Variants in RXRA observed in about 807,000 individuals in gnomAD.
RXRA encodes the protein retinoid X receptor alpha, also known as retinoic acid receptor RXR-alpha.
In RXRA, 5 loss-of-function variants were observed where a neutral mutation model predicts 44.5. The observed-to-expected ratio is 0.11, with a 90% CI of 0.06 to 0.24. The LOEUF is 0.24. RXRA is among the 10% of genes least tolerant of loss of function. RXRA has a pLI of 1.00. For missense variants in RXRA, 412 were observed against 646.5 expected (o/e 0.64, Z 3.93); for synonymous variants, 291 against 271.4 (o/e 1.07, Z -0.71).
At chr9:134,402,552 G>T (rs1830981678) in intron 2 of RXRA, 1 of 152,416 alleles carries the variant, frequency 6.6e-6, no homozygotes, top group Non-Finnish European at 1.5e-5. Context: ...GGCAGAGCCT[G>T]GCGCAGTCCA....
At chr9:134,357,654 G>A (rs932983732) in intron 1 of RXRA, among the ~76,000 whole-genome samples, 1 of 152,144 alleles carries the variant, frequency 6.6e-6, no homozygotes, top group African/African-American at 2.4e-5. Context: ...GCAGAAAGGC[G>A]AGGTCTTTGC....
At chr9:134,404,972 G>GC (rs1831026001) in intron 2 of RXRA, 1 of 152,218 alleles carries the variant, frequency 6.6e-6, no homozygotes, top group African/African-American at 2.4e-5. Flanking sequence ...AAATGCGATG[G>GC]CCCCCACCCT....
intron 1 of RXRA, chr9:134,379,871 G>A (rs35178294): frequency 0.71 from 702,436 of 984,890 alleles, 257,074 homozygotes; most frequent in East Asian, 0.75. Flanking sequence ...TGGCCTTGGC[G>A]GCTCCAGCCC....
At chr9:134,350,203 C>A (rs1830204867) in intron 1 of RXRA, among the ~76,000 whole-genome samples, 1 of 151,984 alleles carries the variant, frequency 6.6e-6, no homozygotes, top group African/African-American at 2.4e-5. Context: ...GCTCCCAGGG[C>A]AGGATGTATG....
At chr9:134,340,056 C>T (rs781998146) in intron 1 of RXRA, among the ~76,000 whole-genome samples, 3 of 152,012 alleles carry the variant, frequency 2.0e-5, no homozygotes, top group Non-Finnish European at 4.4e-5. Flanking sequence ...TCCCTCTGTC[C>T]CTGTCCCTGT....
At chr9:134,379,729 G>A (rs868792941) in intron 1 of RXRA, 15 of 985,300 alleles carry the variant, frequency 1.5e-5, no homozygotes, top group African/African-American at 1.7e-5. Flanking sequence ...GGGCGGGTTC[G>A]TGGGTCCAGC....
chr9:134,396,739 C>T (rs28739333), intron 1 of RXRA, among the ~76,000 whole-genome samples: 20,257 of 152,168 alleles, frequency 0.13, 4,430 homozygotes, highest in African/African-American at 0.46. Flanking sequence ...CCATTTAGAA[C>T]GCCGTCCTTC....
intron 6 of RXRA, chr9:134,423,406 G>A (rs1755445852): frequency 3.0e-6 from 3 of 985,314 alleles, no homozygotes; most frequent in African/African-American, 1.7e-5. Flanking sequence ...CATACAAGGC[G>A]GCTCCTAAGT....
chr9:134,344,069 G>C (rs1830119752), intron 1 of RXRA, among the ~76,000 whole-genome samples: 1 of 152,204 alleles, frequency 6.6e-6, no homozygotes. Context: ...CCTCTGCCTG[G>C]CGTGTGTGCC....
At position 134,342,625 on chromosome 9, in the gene RXRA, G is replaced by C. The variant is rs1277279177; in HGVS notation, c.28+15966G>C. ...TGGGAGCTGCTGTGAGCCCAGGCAG[G>C]TGGTGGGGCTGCGGGGCTGCGGGAG... is the stretch of plus-strand genomic sequence containing the variant. On this transcript the variant is annotated intron_variant, in intron 1 of 9. Coordinates refer to ENST00000481739, the MANE Select transcript of RXRA (RefSeq NM_002957.6). The surrounding 1 kb of genome is among the most constrained non-coding windows in gnomAD (Gnocchi z 4.4). Among the ~76,000 whole-genome samples the C allele has an allele frequency of 1.3e-5, 2 of 152,210 alleles. No individual in the cohort carries two copies. Among genetic ancestry groups the C allele is most frequent in the Non-Finnish European group, 2.9e-5 (2 of 68,026 alleles).
intron 1 of RXRA, among the ~76,000 whole-genome samples, chr9:134,401,231 C>T (rs1469826337): frequency 6.6e-6 from 1 of 152,238 alleles, no homozygotes; most frequent in Non-Finnish European, 1.5e-5. Flanking sequence ...AGACCTTCAC[C>T]TTGAGTCCCT....
At chr9:134,354,370 C>T (rs1830258059) in intron 1 of RXRA, among the ~76,000 whole-genome samples, 1 of 152,194 alleles carries the variant, frequency 6.6e-6, no homozygotes. Context: ...CTTCTGGGTC[C>T]CCCTCCTTGG....
At position 134,408,230 on chromosome 9, in the gene RXRA, G is replaced by A. The variant is rs373515948; in HGVS notation, c.361G>A (p.Ala121Thr). Residue 121 changes from alanine to threonine, a missense_variant, in exon 3 of 10, where the codon GCC becomes ACC. Coordinates refer to ENST00000481739, the MANE Select transcript of RXRA (RefSeq NM_002957.6). ...CCTCAATGGCGTCCTCAAGGTCCCCGCCCACCCCTCAGGAAACATGGCTTC... is the reference window on the plus strand; with the variant it reads ...CCTCAATGGCGTCCTCAAGGTCCCCACCCACCCCTCAGGAAACATGGCTTC... Reference protein sequence around the residue: ...LGLNGVLKVPAHPSGNMASFT... With the variant: ...LGLNGVLKVPTHPSGNMASFT... 149 of 1,611,730 alleles carry A rather than the reference G, an allele frequency of 9.2e-5. No homozygotes were observed. The highest frequency in any genetic ancestry group is 1.1e-4 in the Non-Finnish European group (129 of 1,179,380).
chr9:134,333,509 G>A (rs1835040259), intron 1 of RXRA, among the ~76,000 whole-genome samples: 2 of 152,120 alleles, frequency 1.3e-5, no homozygotes, highest in Admixed American at 6.5e-5. Context: ...AGCCTCTGGC[G>A]CTGAGGGGAG....
At chr9:134,390,517 G>C (rs1378677604) in intron 1 of RXRA, among the ~76,000 whole-genome samples, 1 of 151,930 alleles carries the variant, frequency 6.6e-6, no homozygotes, top group Admixed American at 6.6e-5. Context: ...CTGTGGCCAC[G>C]GGGTGGTTTG....
intron 1 of RXRA, among the ~76,000 whole-genome samples, chr9:134,338,732 C>T (rs1345466657): frequency 4.6e-5 from 7 of 152,230 alleles, no homozygotes; most frequent in Non-Finnish European, 7.3e-5. Context: ...TCCCTGCAGC[C>T]GGCACCCCAG....
chr9:134,427,435 G>T (rs1159311478), intron 6 of RXRA, among the ~76,000 whole-genome samples: 4 of 152,230 alleles, frequency 2.6e-5, no homozygotes, highest in Admixed American at 1.3e-4. Context: ...TCCAGCCCTG[G>T]CTTTTCCATC....
chr9:134,354,800 C>T (rs1554749879), intron 1 of RXRA, among the ~76,000 whole-genome samples: 1 of 152,244 alleles, frequency 6.6e-6, no homozygotes, highest in East Asian at 1.9e-4. Context: ...CCTCCAGGCT[C>T]CCCAGGCTGC....
At position 134,417,142 on chromosome 9, in the gene RXRA, G is replaced by A. The variant is rs375347192; in HGVS notation, c.611-16G>A. The A allele has an allele frequency of 1.4e-5, 23 of 1,605,022 alleles. No individual in the cohort carries two copies. Among genetic ancestry groups the A allele is most frequent in the South Asian group, 1.1e-4 (10 of 90,860 alleles). On this transcript the variant is annotated splice_polypyrimidine_tract_variant and intron_variant, in intron 4 of 9. Transcript: ENST00000481739. This position sits in a 1 kb window ranked among gnomAD's most constrained non-coding sequence, Gnocchi z 6.1. ...CGGGCTGAGCGTGGGGCTCACCTGC[G>A]CCTCCCGGGTTGTAGCCGTGCAGGA...
Sources: allele counts gnomAD v4.1 joint callset (sites outside exome capture counted in the v4.1 genomes callset), GRCh38; gene constraint gnomAD v4.1.1; non-coding constraint Gnocchi (gnomAD v3.1); transcripts MANE v1.5; gene names NCBI Gene and HGNC (gene_info 2026-07-23, HGNC 2026-07-21).